Variants in MAU2 observed in about 807,000 individuals in gnomAD.
MAU2 encodes the protein MAU2 chromatid cohesion factor homolog.
A neutral mutation model predicts 89.1 loss-of-function variants in MAU2; 9 were observed. That is an observed-to-expected ratio of 0.10 (90% CI 0.06 to 0.18). The LOEUF is 0.18. Among genes scored for constraint, MAU2 ranks in the 10% least tolerant of loss-of-function variants. The probability of loss-of-function intolerance (pLI) is 1.00; values close to 1 mark genes in which losing one functional copy is unlikely to be tolerated. For missense variants in MAU2, 425 were observed against 803.5 expected (o/e 0.53, Z 5.69); for synonymous variants, 357 against 343.4 (o/e 1.04, Z -0.44).
chr19:19,343,449 T>C (rs377748920), intron 9 of MAU2, among the ~76,000 whole-genome samples: 15 of 152,272 alleles, frequency 9.9e-5, no homozygotes, highest in African/African-American at 3.4e-4. Flanking sequence ...CTTGGGGCTG[T>C]TGGGAGGTGG....
intron 2 of MAU2, 65 bp downstream of exon 2, chr19:19,335,800 C>CA: frequency 6.4e-7 from 1 of 1,573,312 alleles, no homozygotes; most frequent in African/African-American, 1.3e-5. Context: ...AAGAATGTAT[C>CA]AAAGCTTGAA....
Position 19,324,806 on chromosome 19 carries a change from T to C in MAU2, c.276+3671T>C, listed in dbSNP as rs532194436. ...GTCAGTCGCATCCCAACTGAAAATTTTTCCAGCTTTTAGTTAAAGTAATGT... is the reference window on the plus strand; with the variant it reads ...GTCAGTCGCATCCCAACTGAAAATTCTTCCAGCTTTTAGTTAAAGTAATGT... On this transcript the variant is annotated intron_variant, in intron 1 of 18. Coordinates refer to ENST00000262815, the MANE Select transcript of MAU2 (RefSeq NM_015329.4). Among the ~76,000 whole-genome samples, 7 of 152,344 alleles carry C rather than the reference T, an allele frequency of 4.6e-5. No homozygotes were observed. The East Asian group carries it at 1.3e-3, about 29-fold the overall frequency.
intron 1 of MAU2, among the ~76,000 whole-genome samples, chr19:19,326,429 G>A (rs2061504290): frequency 6.6e-6 from 1 of 151,734 alleles, no homozygotes; most frequent in Non-Finnish European, 1.5e-5. Flanking sequence ...GCTCACGCCT[G>A]TAATCCCAGC....
At chr19:19,343,401 G>C (rs1361544841) in intron 9 of MAU2, among the ~76,000 whole-genome samples, 2 of 152,220 alleles carry the variant, frequency 1.3e-5, no homozygotes, top group African/African-American at 4.8e-5. Context: ...AAGCCGGATA[G>C]GCCCTGTGCT....
intron 1 of MAU2, among the ~76,000 whole-genome samples, chr19:19,324,963 C>T (rs1258026333): frequency 6.6e-6 from 1 of 151,970 alleles, no homozygotes; most frequent in Non-Finnish European, 1.5e-5. Context: ...AACTTTTATT[C>T]TTTCCTTCCC....
intron 13 of MAU2, 133 bp from the exon 14 acceptor site, chr19:19,348,756 C>T: frequency 2.1e-6 from 2 of 958,288 alleles, no homozygotes; most frequent in Non-Finnish European, 3.3e-6. Flanking sequence ...TCTTGCTGGT[C>T]AGTCACCAGG....
intron 9 of MAU2, among the ~76,000 whole-genome samples, chr19:19,343,211 A>G (rs576122287): frequency 1.1e-4 from 17 of 152,216 alleles, no homozygotes; most frequent in South Asian, 4.1e-4. Context: ...GACCACCAGC[A>G]TGTCCTTTGG....
At chr19:19,340,239 A>G (rs1599909303) in intron 5 of MAU2, among the ~76,000 whole-genome samples, 2 of 151,210 alleles carry the variant, frequency 1.3e-5, no homozygotes, top group East Asian at 3.9e-4. Context: ...AGGCTGAGGC[A>G]GGAGAATCGC....
Position 19,323,488 on chromosome 19 carries a change from C to G in MAU2, c.276+2353C>G, listed in dbSNP as rs527878384. 2.0e-5 allele frequency among the ~76,000 whole-genome samples: 3 copies of G among 152,184 alleles called. No homozygotes were observed. In the East Asian group the frequency reaches 5.8e-4, roughly 29 times the overall value. Reference sequence around the variant, plus strand: ...GGATTATAGGTGTGAGTCACCACATCTGGCCAGTTTTATTTATTTATTTAT... The same window carrying G: ...GGATTATAGGTGTGAGTCACCACATGTGGCCAGTTTTATTTATTTATTTAT... On this transcript the variant is annotated intron_variant, in intron 1 of 18. Coordinates refer to ENST00000262815, the MANE Select transcript of MAU2 (RefSeq NM_015329.4).
intron 5 of MAU2, among the ~76,000 whole-genome samples, 188 bp from the exon 6 acceptor site, chr19:19,340,658 T>A (rs931164133): frequency 5.3e-5 from 8 of 151,876 alleles, no homozygotes; most frequent in African/African-American, 4.8e-5. Flanking sequence ...AATAAATAAA[T>A]AAAAATAAAA....
chr19:19,347,555 C>T, intron 13 of MAU2, 189 bp downstream of exon 13: 2 of 572,328 alleles, frequency 3.5e-6, no homozygotes, highest in Non-Finnish European at 3.2e-6. Flanking sequence ...CGGGGGAGGC[C>T]AGGTCTGGGA....
chr19:19,336,827 G>T (rs1026242229), intron 3 of MAU2, among the ~76,000 whole-genome samples: 2 of 152,210 alleles, frequency 1.3e-5, no homozygotes, highest in Non-Finnish European at 2.9e-5. Context: ...TGGCAGCAGG[G>T]AATGTGTGTG....
At chr19:19,346,324 T>A (rs1041155148) in intron 12 of MAU2, among the ~76,000 whole-genome samples, 2 of 152,038 alleles carry the variant, frequency 1.3e-5, no homozygotes, top group Non-Finnish European at 2.9e-5. Flanking sequence ...TCCGTCTCCG[T>A]CTCACTCCCC....
At chr19:19,343,800 C>A in intron 9 of MAU2, 37 bp from the exon 10 acceptor site, 1 of 1,529,044 alleles carries the variant, frequency 6.5e-7, no homozygotes, top group Non-Finnish European at 9.0e-7. Context: ...CCTCCTCTGG[C>A]CTCCCCTGCA....
At chr19:19,352,570 A>G (rs1599927910) in intron 16 of MAU2, 1 of 152,276 alleles carries the variant, frequency 6.6e-6, no homozygotes, top group Non-Finnish European at 1.5e-5. Flanking sequence ...TCCCCACTGG[A>G]CAGTGCAAGT....
At chr19:19,340,801 G>C in intron 5 of MAU2, 45 bp from the exon 6 acceptor site, 3 of 1,607,648 alleles carry the variant, frequency 1.9e-6, no homozygotes, top group Non-Finnish European at 2.6e-6. Context: ...ATCCCAGGAG[G>C]CTCCTGGGCC....
intron 1 of MAU2, among the ~76,000 whole-genome samples, chr19:19,331,677 C>T (rs923339732): frequency 2.0e-5 from 3 of 151,744 alleles, no homozygotes; most frequent in African/African-American, 2.4e-5. Context: ...TGAAATGGGA[C>T]GATCACCTGA....
intron 2 of MAU2, 46 bp from the exon 3 acceptor site, chr19:19,336,076 C>A (rs370170549): frequency 6.9e-7 from 1 of 1,454,564 alleles, no homozygotes; most frequent in South Asian, 1.1e-5. Context: ...CCTTTCAAAC[C>A]GACCTTTTTC....
At chr19:19,347,204 T>A in intron 12 of MAU2, 76 bp from the exon 13 acceptor site, 3 of 855,588 alleles carry the variant, frequency 3.5e-6, no homozygotes, top group South Asian at 2.7e-5. Context: ...TCCGTGGAGA[T>A]TGTGGGTGCT....
Sources: gnomAD v4.1 joint callset for allele counts (sites outside exome capture counted in the v4.1 genomes callset) on GRCh38, gnomAD v4.1.1 for gene constraint, MANE v1.5 for transcripts, NCBI Gene and HGNC (gene_info 2026-07-23, HGNC 2026-07-21) for gene names.